Variants in LRFN5 observed in about 807,000 individuals in gnomAD.
The protein encoded by LRFN5 is leucine-rich repeat and fibronectin type-III domain-containing protein 5.
LRFN5 carries 24 observed loss-of-function variants against 45.6 expected under a neutral mutation model. The observed-to-expected ratio is 0.53, with a 90% CI of 0.38 to 0.74. The LOEUF (loss-of-function observed/expected upper bound fraction) is 0.74, where lower values mean the gene tolerates loss of function less well. LRFN5 is among the 30% of genes least tolerant of loss of function. The pLI is 0.00. For synonymous variants in LRFN5, 340 were observed against 313.8 expected, an observed-to-expected ratio of 1.08 and a Z score of -0.88; for missense variants, 776 against 861.5, an observed-to-expected ratio of 0.90 and a Z score of 1.24.
chr14:41,835,105 A>G (rs910977209), intron 2 of LRFN5, among the ~76,000 whole-genome samples: 1 of 152,228 alleles, frequency 6.6e-6, no homozygotes, highest in African/African-American at 2.4e-5. Context: ...TTTCTTGAAT[A>G]TAATGACTTT....
At chr14:41,777,712 T>G (rs1249198067) in intron 2 of LRFN5, among the ~76,000 whole-genome samples, 1 of 151,828 alleles carries the variant, frequency 6.6e-6, no homozygotes, top group Non-Finnish European at 1.5e-5. Context: ...TCGCTTTTTG[T>G]ATTTGCCATA....
chr14:41,893,771 G>A (rs988836923), intron 4 of LRFN5: 6 of 985,146 alleles, frequency 6.1e-6, no homozygotes, highest in East Asian at 2.3e-4. Context: ...TATCCAATGG[G>A]CTTTTTTATT....
At chr14:41,809,819 A>T (rs1887678090) in intron 2 of LRFN5, among the ~76,000 whole-genome samples, 2 of 151,940 alleles carry the variant, frequency 1.3e-5, no homozygotes. Context: ...TAGTGTAAAA[A>T]TACTATCTAA....
chr14:41,682,089 A>T (rs1387191953), intron 1 of LRFN5, among the ~76,000 whole-genome samples: 1 of 151,498 alleles, frequency 6.6e-6, no homozygotes, highest in Non-Finnish European at 1.5e-5. Context: ...AAATGCTGGG[A>T]TTACAGGTAT....
intron 1 of LRFN5, among the ~76,000 whole-genome samples, chr14:41,718,900 T>A (rs1566635162): frequency 6.6e-6 from 1 of 152,158 alleles, no homozygotes; most frequent in Non-Finnish European, 1.5e-5. Context: ...AAAGAGGCAT[T>A]TGCCACCTCT....
intron 2 of LRFN5, among the ~76,000 whole-genome samples, chr14:41,885,027 A>G (rs1346433382): frequency 2.0e-5 from 3 of 151,996 alleles, no homozygotes; most frequent in Non-Finnish European, 4.4e-5. Flanking sequence ...TTCTGCAGCT[A>G]TTTTCACTCA....
chr14:41,653,719 A>G (rs1436680859), intron 1 of LRFN5, among the ~76,000 whole-genome samples: 2 of 152,082 alleles, frequency 1.3e-5, no homozygotes. Flanking sequence ...CATAGAAGGG[A>G]GGCAGGATGG....
intron 2 of LRFN5, among the ~76,000 whole-genome samples, chr14:41,821,710 A>C (rs1421417205): frequency 7.5e-6 from 1 of 133,210 alleles, no homozygotes; most frequent in Non-Finnish European, 1.6e-5. Flanking sequence ...GATTTGTACC[A>C]GTTGGTTGTA....
intron 1 of LRFN5, among the ~76,000 whole-genome samples, chr14:41,722,582 C>A (rs372917120): frequency 1.9e-5 from 2 of 106,270 alleles, no homozygotes; most frequent in East Asian, 5.3e-4. Flanking sequence ...TTTTTTCTTT[C>A]TCTTTCCCTT....
intron 1 of LRFN5, among the ~76,000 whole-genome samples, chr14:41,639,416 C>T (rs1310976133): frequency 6.6e-6 from 1 of 152,100 alleles, no homozygotes; most frequent in East Asian, 1.9e-4. Context: ...TGGAGGTTCT[C>T]ATTGAAAGAG....
intron 2 of LRFN5, among the ~76,000 whole-genome samples, chr14:41,872,031 A>T (rs1009186202): frequency 3.9e-5 from 6 of 152,152 alleles, no homozygotes; most frequent in African/African-American, 1.4e-4. Context: ...TGAAATAATA[A>T]TCTCTCCTAT....
intron 1 of LRFN5, among the ~76,000 whole-genome samples, chr14:41,629,391 A>G (rs1410463030): frequency 2.6e-5 from 4 of 152,104 alleles, no homozygotes; most frequent in African/African-American, 9.7e-5. Context: ...AGGGTTTTCT[A>G]TTACTTATTT....
intron 1 of LRFN5, among the ~76,000 whole-genome samples, chr14:41,752,398 C>T (rs1885174587): frequency 6.6e-6 from 1 of 152,162 alleles, no homozygotes; most frequent in South Asian, 2.1e-4. Context: ...AAAAGTGTTC[C>T]TATGTCTCCA....
At chr14:41,698,883 A>G (rs944532420) in intron 1 of LRFN5, among the ~76,000 whole-genome samples, 1 of 152,096 alleles carries the variant, frequency 6.6e-6, no homozygotes, top group African/African-American at 2.4e-5. Flanking sequence ...TAATTTGTGT[A>G]TGGTAAGAAA....
intron 2 of LRFN5, among the ~76,000 whole-genome samples, chr14:41,830,261 T>C (rs1257918172): frequency 2.0e-5 from 3 of 151,948 alleles, no homozygotes; most frequent in Admixed American, 2.0e-4. Context: ...GTTTTTGATA[T>C]TGCAAAATTT....
chr14:41,779,505 C>T (rs1034510544), intron 2 of LRFN5, among the ~76,000 whole-genome samples: 1 of 151,910 alleles, frequency 6.6e-6, no homozygotes, highest in Non-Finnish European at 1.5e-5. Flanking sequence ...AGTTAAGAAG[C>T]ATACACTTGG....
At chr14:41,667,075 T>G (rs1184162452) in intron 1 of LRFN5, among the ~76,000 whole-genome samples, 5 of 152,204 alleles carry the variant, frequency 3.3e-5, no homozygotes, top group Non-Finnish European at 7.4e-5. Context: ...AAAGCTGTAT[T>G]TAAGCTTTAA....
chr14:41,711,275 T>C (rs1054428316), intron 1 of LRFN5, among the ~76,000 whole-genome samples: 2 of 151,878 alleles, frequency 1.3e-5, no homozygotes, highest in East Asian at 1.9e-4. Context: ...CAAGTGAAAA[T>C]AGGAAGCTAG....
intron 2 of LRFN5, among the ~76,000 whole-genome samples, chr14:41,793,339 AC>A (rs1887002988): frequency 6.6e-6 from 1 of 151,814 alleles, no homozygotes. Flanking sequence ...GATAAAATGC[AC>A]TCTGTGCACT....
Sources: gnomAD v4.1 joint callset for allele counts (sites outside exome capture counted in the v4.1 genomes callset) on GRCh38, gnomAD v4.1.1 for gene constraint, MANE v1.5 for transcripts, NCBI Gene and HGNC (gene_info 2026-07-23, HGNC 2026-07-21) for gene names.